The following RNLS variants were observed in gnomAD, a reference collection of about 807,000 sequenced individuals.
The protein encoded by RNLS is renalase.
Under a neutral mutation model 39.8 loss-of-function variants are expected in RNLS, and 39 were observed. That is an observed-to-expected ratio of 0.98 (90% CI 0.76 to 1.28). RNLS has a LOEUF of 1.28. RNLS is among the 50% of genes most tolerant of loss of function. The probability of loss-of-function intolerance (pLI) is 0.00; values close to 1 mark genes in which losing one functional copy is unlikely to be tolerated. For synonymous variants in RNLS, 147 were observed against 150.7 expected (o/e 0.98, Z 0.18); for missense variants, 410 against 413.3 (o/e 0.99, Z 0.07).
chr10:88,278,139 T>C (rs1842879118), intron 6 of RNLS, among the ~76,000 whole-genome samples: 1 of 152,214 alleles, frequency 6.6e-6, no homozygotes, highest in Non-Finnish European at 1.5e-5. Context: ...AGCTCTTTCC[T>C]ATAATATAGA....
At chr10:88,329,290 C>G (rs1423426361) in intron 5 of RNLS, among the ~76,000 whole-genome samples, 1 of 151,984 alleles carries the variant, frequency 6.6e-6, no homozygotes, top group Non-Finnish European at 1.5e-5. Context: ...TGGCCTCAAA[C>G]GATCCTCCTG....
At chr10:88,230,623 T>G in the RNLS span, among the ~76,000 whole-genome samples, 1 of 152,188 alleles carries the variant, frequency 6.6e-6, no homozygotes, top group Non-Finnish European at 1.5e-5. Flanking sequence ...AAGTCCAAAT[T>G]CATTACTCAC....
chr10:88,240,413 TAAAAAAAAAAA>T, the RNLS span, among the ~76,000 whole-genome samples: 1 of 150,144 alleles, frequency 6.7e-6, no homozygotes. Flanking sequence ...GTCCTTTTTT[TAAAAAAAAAAA>T]AATTTAGGCT....
intron 4 of RNLS, among the ~76,000 whole-genome samples, chr10:88,486,176 A>C (rs1844505059): frequency 6.6e-6 from 1 of 152,068 alleles, no homozygotes; most frequent in Admixed American, 6.6e-5. Context: ...ATATGCAGAA[A>C]ATTGAAACTG....
intron 4 of RNLS, among the ~76,000 whole-genome samples, chr10:88,472,249 A>G (rs1843581132): frequency 6.6e-6 from 1 of 152,174 alleles, no homozygotes; most frequent in Non-Finnish European, 1.5e-5. Flanking sequence ...TAGGGACAAG[A>G]GTGGGATCTG....
At chr10:88,550,167 A>G (rs1848539759) in intron 4 of RNLS, among the ~76,000 whole-genome samples, 1 of 152,218 alleles carries the variant, frequency 6.6e-6, no homozygotes, top group Non-Finnish European at 1.5e-5. Flanking sequence ...TACCAGAAAT[A>G]AAGATTATTT....
chr10:88,236,088 TA>T, the RNLS span, among the ~76,000 whole-genome samples: 5 of 152,244 alleles, frequency 3.3e-5, no homozygotes, highest in African/African-American at 1.2e-4. Context: ...TGCACTATGT[TA>T]AATACTGCTT....
chr10:88,523,596 C>T (rs1164641614), intron 4 of RNLS, among the ~76,000 whole-genome samples: 1 of 152,018 alleles, frequency 6.6e-6, no homozygotes, highest in African/African-American at 2.4e-5. Context: ...TTACAAAGAA[C>T]AAAACAAAAG....
Position 88,577,082 on chromosome 10 carries a change from G to A in RNLS, c.368-4021C>T, listed in dbSNP as rs190314224. Among the ~76,000 whole-genome samples, 8 of 152,208 alleles carry A rather than the reference G, an allele frequency of 5.3e-5. No homozygotes were observed. In the East Asian group the frequency reaches 1.5e-3, roughly 29 times the overall value. On this transcript the variant is annotated intron_variant, in intron 3 of 6. Transcript: ENST00000331772. The stretch of plus-strand genomic sequence containing the variant: ...CCATCATTTTCCATGTCATAGGCAG[G>A]AACCATCAGGTGACCAATTTCCCAG...
At chr10:88,350,863 T>G (rs1287617564) in intron 5 of RNLS, among the ~76,000 whole-genome samples, 1 of 152,164 alleles carries the variant, frequency 6.6e-6, no homozygotes, top group Non-Finnish European at 1.5e-5. Flanking sequence ...GTAAAAGTGT[T>G]CCTATTTCTC....
At chr10:88,208,615 A>T in the RNLS span, among the ~76,000 whole-genome samples, 1 of 152,144 alleles carries the variant, frequency 6.6e-6, no homozygotes, top group Non-Finnish European at 1.5e-5. Context: ...CAGGGAAAAA[A>T]AATTGCCATC....
chr10:88,423,423 T>C (rs1854528802), intron 4 of RNLS, among the ~76,000 whole-genome samples: 1 of 152,186 alleles, frequency 6.6e-6, no homozygotes, highest in East Asian at 1.9e-4. Context: ...ACTAATTTCA[T>C]GGAAGTGGAC....
At chr10:88,207,390 C>G in the RNLS span, among the ~76,000 whole-genome samples, 1 of 152,122 alleles carries the variant, frequency 6.6e-6, no homozygotes, top group African/African-American at 2.4e-5. Context: ...CATCACCAAT[C>G]AAGATATATG....
intron 4 of RNLS, among the ~76,000 whole-genome samples, chr10:88,414,641 C>A (rs1258781971): frequency 1.3e-5 from 2 of 152,098 alleles, no homozygotes; most frequent in Non-Finnish European, 1.5e-5. Flanking sequence ...CACTGGCAAC[C>A]TTTTGGAGCT....
intron 4 of RNLS, among the ~76,000 whole-genome samples, chr10:88,430,829 G>A (rs1855093833): frequency 6.6e-6 from 1 of 151,716 alleles, no homozygotes; most frequent in South Asian, 2.1e-4. Context: ...CCATTTATGG[G>A]ATAAACCCCA....
intron 4 of RNLS, among the ~76,000 whole-genome samples, chr10:88,383,056 A>G (rs923404385): frequency 6.6e-6 from 1 of 152,120 alleles, no homozygotes; most frequent in African/African-American, 2.4e-5. Context: ...TTTGTGGAAC[A>G]TCTTTAAATC....
At chr10:88,261,352 T>C in the RNLS span, among the ~76,000 whole-genome samples, 1 of 152,216 alleles carries the variant, frequency 6.6e-6, no homozygotes, top group Non-Finnish European at 1.5e-5. Context: ...TTAGTTATGC[T>C]GCAGTAACAA....
At chr10:88,310,626 A>G (rs1161221992) in intron 6 of RNLS, among the ~76,000 whole-genome samples, 1 of 151,802 alleles carries the variant, frequency 6.6e-6, no homozygotes, top group Non-Finnish European at 1.5e-5. Flanking sequence ...CCCCGTGACT[A>G]CAAACATTTT....
intron 4 of RNLS, among the ~76,000 whole-genome samples, chr10:88,497,872 A>G (rs1786325706): frequency 6.6e-6 from 1 of 152,072 alleles, no homozygotes; most frequent in Non-Finnish European, 1.5e-5. Flanking sequence ...CCAACTAGCT[A>G]TAATTTTGGG....
Sources: gnomAD v4.1 joint callset for allele counts (sites outside exome capture counted in the v4.1 genomes callset) on GRCh38, gnomAD v4.1.1 for gene constraint, MANE v1.5 for transcripts, NCBI Gene and HGNC (gene_info 2026-07-23, HGNC 2026-07-21) for gene names.